The following DAPK2 variants were observed in gnomAD, a reference collection of about 807,000 sequenced individuals.
DAPK2 encodes death-associated protein kinase 2.
Under a neutral mutation model 44.1 loss-of-function variants are expected in DAPK2, and 35 were observed. The observed-to-expected ratio is 0.79, with a 90% confidence interval of 0.61 to 1.05. The LOEUF is 1.05. Ranked by LOEUF, DAPK2 falls within the 50% of genes least tolerant of loss-of-function variation. The pLI, the probability that DAPK2 is intolerant of heterozygous loss-of-function variation, is 0.00. For synonymous variants in DAPK2, 174 were observed against 182.6 expected, an observed-to-expected ratio of 0.95 and a Z score of 0.38; for missense variants, 453 against 483.2, an observed-to-expected ratio of 0.94 and a Z score of 0.59.
At chr15:63,951,528 C>T (rs1012886179) in intron 3 of DAPK2, among the ~76,000 whole-genome samples, 1 of 152,178 alleles carries the variant, frequency 6.6e-6, no homozygotes, top group African/African-American at 2.4e-5. Flanking sequence ...AGGATGATTT[C>T]CACTCTGCAG....
chr15:63,929,628 C>T (rs372850066), intron 5 of DAPK2, 51 bp from the exon 7 acceptor site: 551 of 1,611,456 alleles, frequency 3.4e-4, no homozygotes, highest in Admixed American at 4.3e-4. Context: ...CCATCCCCGA[C>T]CAGCAAGGGA....
chr15:64,035,286 G>T (rs550245176), intron 1 of DAPK2, among the ~76,000 whole-genome samples: 1 of 152,226 alleles, frequency 6.6e-6, no homozygotes, highest in African/African-American at 2.4e-5. Flanking sequence ...TGCAGTAGTT[G>T]TCTATGTGGA....
chr15:63,961,384 T>C (rs1235784683), intron 3 of DAPK2, among the ~76,000 whole-genome samples: 1 of 152,226 alleles, frequency 6.6e-6, no homozygotes, highest in Non-Finnish European at 1.5e-5. Flanking sequence ...ATCCTGTCAT[T>C]ATGATGTTAG....
intron 1 of DAPK2, 80 bp downstream of exon 2, chr15:64,040,090 A>C (rs1348182073): frequency 8.5e-7 from 1 of 1,172,432 alleles, no homozygotes; most frequent in Non-Finnish European, 1.3e-6. Context: ...CCTGCCTTCC[A>C]ACACCAACTG....
At chr15:63,985,388 C>T (rs933449589) in intron 1 of DAPK2, among the ~76,000 whole-genome samples, 1 of 152,200 alleles carries the variant, frequency 6.6e-6, no homozygotes, top group Non-Finnish European at 1.5e-5. Flanking sequence ...CTCTTGGAGC[C>T]ACTCTGGGCC....
rs1238283968 is a variant in DAPK2, at chr15:63,912,355, G to C, written c.859-158C>G. Among the ~76,000 whole-genome samples the C allele has an allele frequency of 6.6e-6, 1 of 152,248 alleles. No homozygotes were observed. The highest frequency in any genetic ancestry group is 1.5e-5 in the Non-Finnish European group (1 of 68,048). On this transcript the variant is annotated intron_variant, in intron 8 of 10. Transcript: ENST00000261891. This position sits in a 1 kb window ranked among gnomAD's most constrained non-coding sequence, Gnocchi z 4.4. ...GCACACCGTGGGAGCATCACAGTCA[G>C]GGCAACAGCTACACATGTCTCAGCT...
chr15:63,929,434 C>A, intron 6 of DAPK2, 117 bp downstream of exon 7: 1 of 1,347,406 alleles, frequency 7.4e-7, no homozygotes, highest in Non-Finnish European at 1.0e-6. Flanking sequence ...GGACTTAACA[C>A]ATCTGGATTA....
Position 64,008,541 on chromosome 15 carries a change from T to TA in DAPK2, c.93-24788dup, listed in dbSNP as rs1342781936. 2.6e-5 allele frequency among the ~76,000 whole-genome samples: 4 copies of TA among 152,360 alleles called. No homozygotes were observed. The South Asian group carries it at 6.2e-4, about 24-fold the overall frequency. On this transcript the variant is annotated intron_variant, in intron 1 of 10. Transcript: ENST00000261891. The stretch of plus-strand genomic sequence containing the variant: ...AGACAAGAAAAAGCTGGAAACAAGC[T>TA]AAGCATTCTCCACTAAGGAACAGCT...
At chr15:63,978,753 A>T (rs1158745633) in intron 2 of DAPK2, among the ~76,000 whole-genome samples, 1 of 152,068 alleles carries the variant, frequency 6.6e-6, no homozygotes, top group African/African-American at 2.4e-5. Context: ...TTCCTCTTAC[A>T]TCCCACATCT....
intron 1 of DAPK2, among the ~76,000 whole-genome samples, chr15:64,031,378 G>A (rs560851029): frequency 5.9e-5 from 9 of 151,960 alleles, no homozygotes; most frequent in Admixed American, 3.9e-4. Flanking sequence ...GACTACAGGC[G>A]TGTGCCACCA....
chr15:63,998,187 G>A (rs891518405), intron 1 of DAPK2, among the ~76,000 whole-genome samples: 4 of 152,182 alleles, frequency 2.6e-5, no homozygotes, highest in African/African-American at 9.7e-5. Flanking sequence ...AGTGTCATGA[G>A]TCAGAGCAGA....
chr15:64,034,112 G>C (rs1009652342), intron 1 of DAPK2, among the ~76,000 whole-genome samples: 2 of 152,148 alleles, frequency 1.3e-5, no homozygotes, highest in Non-Finnish European at 2.9e-5. Context: ...TTCAGGGTTA[G>C]TCTTAGGAGC....
chr15:63,994,577 T>A (rs1031996615), intron 1 of DAPK2, among the ~76,000 whole-genome samples: 2 of 139,296 alleles, frequency 1.4e-5, no homozygotes, highest in Non-Finnish European at 3.0e-5. Context: ...CATACTGAAA[T>A]CTTTTTTACT....
chr15:64,019,249 C>T (rs1222139185), intron 1 of DAPK2, among the ~76,000 whole-genome samples: 2 of 152,212 alleles, frequency 1.3e-5, no homozygotes, highest in Non-Finnish European at 2.9e-5. Context: ...ACAGAATGCA[C>T]TCAAAGCAGT....
chr15:64,023,104 AC>A (rs1230664152), intron 1 of DAPK2, among the ~76,000 whole-genome samples: 2 of 152,158 alleles, frequency 1.3e-5, no homozygotes, highest in African/African-American at 4.8e-5. Context: ...GCAAGGGTTT[AC>A]AGAGTCTCTT....
At chr15:64,014,995 A>ATAGCC (rs1267996769) in intron 1 of DAPK2, among the ~76,000 whole-genome samples, 2 of 152,016 alleles carry the variant, frequency 1.3e-5, no homozygotes, top group Non-Finnish European at 2.9e-5. Context: ...AGATGCGTTG[A>ATAGCC]TAGCCAAGAG....
At chr15:63,959,881 G>A (rs1374456101) in intron 3 of DAPK2, among the ~76,000 whole-genome samples, 6 of 152,192 alleles carry the variant, frequency 3.9e-5, no homozygotes, top group Admixed American at 2.6e-4. Flanking sequence ...AATGAATTAG[G>A]GAGGATTCCC....
chr15:63,977,849 T>G (rs545882539), intron 2 of DAPK2, among the ~76,000 whole-genome samples: 2 of 152,320 alleles, frequency 1.3e-5, no homozygotes, highest in East Asian at 3.9e-4. Flanking sequence ...CCAGATTTTC[T>G]CAGCCCCAGT....
At position 63,912,179 on chromosome 15, in the gene DAPK2, C is replaced by A. The variant is rs1278957682; in HGVS notation, c.877G>T (p.Ala293Ser). 1 of 1,613,822 alleles carries A rather than the reference C, an allele frequency of 6.2e-7. No individual in the cohort carries two copies. The highest frequency in any genetic ancestry group is 8.5e-7 in the Non-Finnish European group (1 of 1,179,986). ...ACCACAGACTCCCTGCGCACCATGG[C>A]TTGCTGGTTGTCCACCGGCTGAGAG... The change falls in exon 9 of 11, where the codon GCC becomes TCC. Residue 293 changes from alanine (A) to serine (S), a missense_variant. Transcript: ENST00000261891. This position sits in a 1 kb window ranked among gnomAD's most constrained non-coding sequence, Gnocchi z 4.4.
Sources: gnomAD v4.1 joint callset for allele counts (sites outside exome capture counted in the v4.1 genomes callset) on GRCh38, gnomAD v4.1.1 for gene constraint, Gnocchi (gnomAD v3.1) non-coding constraint, MANE v1.5 for transcripts, NCBI Gene and HGNC (gene_info 2026-07-23, HGNC 2026-07-21) for gene names.